PLEKHA7: variants seen among roughly 807,000 people sequenced by gnomAD.
The protein encoded by PLEKHA7 is pleckstrin homology domain-containing family A member 7.
A neutral mutation model predicts 170.0 loss-of-function variants in PLEKHA7; 104 were observed. That is an observed-to-expected ratio of 0.61 (90% confidence interval 0.52 to 0.72). The LOEUF is 0.72. Ranked by LOEUF, PLEKHA7 falls within the 30% of genes least tolerant of loss-of-function variation. The pLI is 0.00. For missense variants in PLEKHA7, 1,615 were observed against 1,671.7 expected (o/e 0.97, Z 0.59); for synonymous variants, 648 against 660.8 (o/e 0.98, Z 0.30).
intron 3 of PLEKHA7, among the ~76,000 whole-genome samples, chr11:16,873,949 G>A (rs185802011): frequency 4.2e-4 from 64 of 152,286 alleles, no homozygotes; most frequent in African/African-American, 1.5e-3. Flanking sequence ...TTACAGGCAT[G>A]ACCCACCACT....
At chr11:16,795,724 G>A (rs1412733581) in intron 17 of PLEKHA7, among the ~76,000 whole-genome samples, 2 of 151,638 alleles carry the variant, frequency 1.3e-5, no homozygotes, top group Non-Finnish European at 2.9e-5. Flanking sequence ...GGGAGGCAGA[G>A]GTTGCAGTGA....
intron 3 of PLEKHA7, among the ~76,000 whole-genome samples, chr11:17,009,847 T>C (rs2137123506): frequency 6.6e-6 from 1 of 152,156 alleles, no homozygotes; most frequent in African/African-American, 2.4e-5. Flanking sequence ...CAGGCTGATC[T>C]TGAACTCCTG....
At chr11:16,882,039 G>A (rs894547125) in intron 3 of PLEKHA7, among the ~76,000 whole-genome samples, 3 of 152,182 alleles carry the variant, frequency 2.0e-5, no homozygotes, top group South Asian at 2.1e-4. Flanking sequence ...TGCAAGCTAC[G>A]TAGTTCTACA....
chr11:17,010,684 A>G (rs190819267), intron 3 of PLEKHA7, among the ~76,000 whole-genome samples: 40 of 152,354 alleles, frequency 2.6e-4, no homozygotes, highest in African/African-American at 7.0e-4. Flanking sequence ...AAAACCTCAC[A>G]CAACTTTCCT....
chr11:17,003,268 C>G (rs7931825), intron 3 of PLEKHA7, among the ~76,000 whole-genome samples: 144,498 of 152,108 alleles, frequency 0.95, 69,018 homozygotes, highest in South Asian at 1. Context: ...TGGGATTACA[C>G]ATGTGAGCCA....
Position 16,877,654 on chromosome 11 carries a change from T to C in PLEKHA7, c.222-6472A>G, listed in dbSNP as rs181223397. On this transcript the variant is annotated intron_variant, in intron 3 of 26. Transcript: ENST00000531066. ...AGGCATTCCTGTGACAGGCCCTTCT[T>C]CCAGAATCAGGCCTTGATGAGCCAA... is the stretch of plus-strand genomic sequence containing the variant. 4.5e-4 allele frequency among the ~76,000 whole-genome samples: 68 copies of C among 152,284 alleles called. 1 individual carries two copies. The highest frequency in any genetic ancestry group is 1.4e-3 in the African/African-American group (59 of 41,542).
At chr11:16,803,942 A>G (rs983857039) in intron 13 of PLEKHA7, among the ~76,000 whole-genome samples, 5 of 152,358 alleles carry the variant, frequency 3.3e-5, no homozygotes, top group Middle Eastern at 3.4e-3. Context: ...AAGTTACAAG[A>G]AAGGAAACCA....
intron 3 of PLEKHA7, among the ~76,000 whole-genome samples, chr11:17,005,052 T>C (rs1864900175): frequency 6.6e-6 from 1 of 152,192 alleles, no homozygotes; most frequent in Non-Finnish European, 1.5e-5. Flanking sequence ...TTGCCAAATA[T>C]TCCACATATT....
intron 3 of PLEKHA7, among the ~76,000 whole-genome samples, chr11:16,895,543 G>C (rs937252177): frequency 1.3e-5 from 2 of 152,214 alleles, no homozygotes; most frequent in African/African-American, 4.8e-5. Flanking sequence ...AGCAGAGAGA[G>C]AGCTCAGTGA....
chr11:16,884,930 G>T (rs149788608), intron 3 of PLEKHA7, among the ~76,000 whole-genome samples: 10 of 152,358 alleles, frequency 6.6e-5, no homozygotes, highest in African/African-American at 1.4e-4. Context: ...ACCACAGGCT[G>T]CCTTTTTGTT....
In PLEKHA7 at chr11:16,789,511, G is replaced by C; in HGVS notation, c.3157-215C>G. ...GAGTAGCACCCATTCTGCAGATGCA[G>C]ACACTTAGGCTCAGGCCTGTCCAGT... On this transcript the variant is annotated intron_variant, in intron 22 of 26. Transcript: ENST00000531066. The surrounding 1 kb of genome is among the most constrained non-coding windows in gnomAD (Gnocchi z 4.6). 1 of 622,622 alleles carries C rather than the reference G, an allele frequency of 1.6e-6. No homozygotes were observed. The highest frequency in any genetic ancestry group is 2.8e-6 in the Non-Finnish European group (1 of 356,168). The allele number at this position is 622,622 out of a possible 1,614,324, so 38.6% of individuals were successfully genotyped here.
At chr11:16,883,007 A>C (rs772269904) in intron 3 of PLEKHA7, among the ~76,000 whole-genome samples, 22 of 152,188 alleles carry the variant, frequency 1.4e-4, no homozygotes, top group Non-Finnish European at 2.4e-4. Context: ...AAAAGAGGAA[A>C]CTGAGGCCCA....
At chr11:16,947,319 G>A (rs1158322436) in intron 3 of PLEKHA7, among the ~76,000 whole-genome samples, 39 of 152,142 alleles carry the variant, frequency 2.6e-4, no homozygotes, top group Admixed American at 2.4e-3. Context: ...GGCTGGGTGT[G>A]GTGGCTCACA....
At chr11:16,925,633 G>A (rs1228386764) in intron 3 of PLEKHA7, among the ~76,000 whole-genome samples, 2 of 152,210 alleles carry the variant, frequency 1.3e-5, no homozygotes, top group African/African-American at 4.8e-5. Flanking sequence ...AGCCCGGGCG[G>A]GCCACCGGTC....
chr11:16,868,885 TGA>T (rs1854606942), intron 4 of PLEKHA7, among the ~76,000 whole-genome samples: 1 of 152,230 alleles, frequency 6.6e-6, no homozygotes, highest in African/African-American at 2.4e-5. Flanking sequence ...CTGTTAAGAA[TGA>T]GAGCAAAAGG....
At chr11:17,009,602 T>C (rs1013020587) in intron 3 of PLEKHA7, among the ~76,000 whole-genome samples, 2 of 151,542 alleles carry the variant, frequency 1.3e-5, no homozygotes, top group Non-Finnish European at 2.9e-5. Flanking sequence ...AGTAGAGAAG[T>C]GCTAGAGTAC....
chr11:16,818,914 C>A (rs1849991948), intron 10 of PLEKHA7, among the ~76,000 whole-genome samples: 1 of 151,646 alleles, frequency 6.6e-6, no homozygotes, highest in South Asian at 2.1e-4. Flanking sequence ...AGTGATTCTC[C>A]TGCCTCAGCC....
intron 10 of PLEKHA7, among the ~76,000 whole-genome samples, chr11:16,822,202 C>T (rs919537715): frequency 6.6e-6 from 1 of 152,144 alleles, no homozygotes; most frequent in Non-Finnish European, 1.5e-5. Flanking sequence ...CTTATCACTG[C>T]ATATCAGTCA....
At chr11:16,894,539 TAGTC>T (rs1856876551) in intron 3 of PLEKHA7, among the ~76,000 whole-genome samples, 2 of 152,200 alleles carry the variant, frequency 1.3e-5, no homozygotes, top group Admixed American at 6.5e-5. Flanking sequence ...AGGTATCAAA[TAGTC>T]AGTGGAAAGA....
Sources: allele counts gnomAD v4.1 joint callset (sites outside exome capture counted in the v4.1 genomes callset), GRCh38; gene constraint gnomAD v4.1.1; non-coding constraint Gnocchi (gnomAD v3.1); transcripts MANE v1.5; gene names NCBI Gene and HGNC (gene_info 2026-07-23, HGNC 2026-07-21).